Variants in SENP3 observed in about 807,000 individuals in gnomAD.
SENP3 encodes SUMO specific peptidase 3, also known as sentrin-specific protease 3.
A neutral mutation model predicts 66.2 loss-of-function variants in SENP3; 11 were observed. The ratio of observed to expected loss-of-function variants is 0.17; its 90% confidence interval spans 0.10 to 0.28. The LOEUF is 0.28. Ranked by LOEUF, SENP3 falls within the 10% of genes least tolerant of loss-of-function variation. SENP3 has a pLI of 1.00. For synonymous variants in SENP3, 292 were observed against 277.6 expected (o/e 1.05, Z -0.52); for missense variants, 548 against 743.7 (o/e 0.74, Z 3.06).
chr17:7,568,751 A>G (rs1208761453), intron 7 of SENP3, among the ~76,000 whole-genome samples: 2 of 152,142 alleles, frequency 1.3e-5, no homozygotes, highest in Non-Finnish European at 2.9e-5. Flanking sequence ...AAACTGGTAA[A>G]TGTGTTTCCA....
In SENP3 at chr17:7,570,624, A is replaced by G; in HGVS notation, c.1480-57A>G. The G allele has an allele frequency of 5.0e-6, 8 of 1,585,568 alleles. No individual in the cohort carries two copies. The highest frequency in any genetic ancestry group is 6.9e-6 in the Non-Finnish European group (8 of 1,163,776). On this transcript the variant is annotated intron_variant, in intron 8 of 10. Transcript: ENST00000321337. The surrounding 1 kb of genome is among the most constrained non-coding windows in gnomAD (Gnocchi z 5.4). ...GGTGTCTGCCAGCACTGTACCCACC[A>G]TACTGTGTTCAATTGAGAAACTTAG...
chr17:7,570,954 C>T lies in SENP3; in HGVS notation c.1614+21C>T, dbSNP rs551323483. The T allele has an allele frequency of 1.9e-5, 31 of 1,609,326 alleles. No homozygotes were observed. The highest frequency in any genetic ancestry group is 3.4e-5 in the Admixed American group (2 of 59,480). ...TGCAGGTAAGCAGATGATGGGGCCA[C>T]CTCCCCTAGCTCTGAAGTCAGTTGG... On this transcript the variant is annotated intron_variant, in intron 10 of 10. Coordinates refer to ENST00000321337, the MANE Select transcript of SENP3 (RefSeq NM_015670.6). This position sits in a 1 kb window ranked among gnomAD's most constrained non-coding sequence, Gnocchi z 5.4.
rs759581000 is a variant in SENP3, at chr17:7,564,644, G to C, written c.735G>C (p.Leu245=). The change falls in exon 3 of 11, where the codon CTG becomes CTC. Residue 245 remains leucine, a synonymous_variant. Transcript: ENST00000321337. Reference sequence around the variant, plus strand: ...CTATAGGCCTCCTTTCATGTACTCTGCCCAACGGTTTTGGGGGACAATCTG... The same window carrying C: ...CTATAGGCCTCCTTTCATGTACTCTCCCCAACGGTTTTGGGGGACAATCTG... ...DPDSGLLSCT[L]PNGFGGQSGP... is the part of the protein sequence containing the mutation. 12 of 1,613,896 alleles carry C rather than the reference G, an allele frequency of 7.4e-6. No homozygotes were observed. The East Asian group carries it at 2.4e-4, about 33-fold the overall frequency.
rs1437976779 is a variant in SENP3 at position 7,563,369 on chromosome 17, T to A, written c.293T>A (p.Leu98Gln). ...DEEEEVAAWR[L>Q]PPRWSQLGTS... Reference sequence around the variant, plus strand: ...GAGGAGGAAGTGGCAGCTTGGAGGCTGCCCCCAAGATGGAGTCAGCTGGGA... The same window carrying A: ...GAGGAGGAAGTGGCAGCTTGGAGGCAGCCCCCAAGATGGAGTCAGCTGGGA... The change falls in exon 2 of 11, where the codon CTG becomes CAG. Residue 98 changes from leucine (L) to glutamine (Q), a missense_variant. Around this residue, in one of 6 missense-constraint regions of SENP3, gnomAD observed 164 missense variants for 167.9 expected, o/e 0.98. Coordinates refer to ENST00000321337, the MANE Select transcript of SENP3 (RefSeq NM_015670.6). 1 of 1,551,474 alleles carries A rather than the reference T, an allele frequency of 6.4e-7. No individual in the cohort carries two copies. The highest frequency in any genetic ancestry group is 1.4e-5 in the African/African-American group (1 of 73,184).
At position 7,570,146 on chromosome 17, in the gene SENP3, C is replaced by T. The variant is rs774580848; in HGVS notation, c.1342-210C>T. ...TGCCCATCATGGGTTCTCCAGTGTT[C>T]GTTCTGATGTCTCCTCCATTGTCTG... On this transcript the variant is annotated intron_variant, in intron 7 of 10. Transcript: ENST00000321337. This position sits in a 1 kb window ranked among gnomAD's most constrained non-coding sequence, Gnocchi z 5.4. 1.5e-4 allele frequency among the ~76,000 whole-genome samples: 23 copies of T among 152,138 alleles called. No individual in the cohort carries two copies. Among genetic ancestry groups the T allele is most frequent in the African/African-American group, 5.3e-4 (22 of 41,414 alleles).
chr17:7,565,062 C>T lies in SENP3; in HGVS notation c.1059C>T (p.Thr353=), dbSNP rs747188777. 6.8e-6 allele frequency: 11 copies of T among 1,611,016 alleles called. No homozygotes were observed. The South Asian group carries it at 8.8e-5, about 13-fold the overall frequency. ...LEDIFQQEFS[T]PSRKGLVLQL... is the part of the protein sequence containing the mutation. ...ACATTTTCCAGCAGGAGTTTTCCAC[C>T]CCTTCCAGGTGAGGCTTGAAAGCCC... is the stretch of plus-strand genomic sequence containing the variant. The change falls in exon 4 of 11, where the codon ACC becomes ACT. Residue 353 remains threonine, a synonymous_variant. Coordinates refer to ENST00000321337, the MANE Select transcript of SENP3 (RefSeq NM_015670.6).
In SENP3 at chr17:7,562,998, A is replaced by T; in HGVS notation, c.-11-68A>T. The T allele has an allele frequency of 2.9e-6, 4 of 1,360,878 alleles. No individual in the cohort carries two copies. Among genetic ancestry groups the T allele is most frequent in the Non-Finnish European group, 3.8e-6 (4 of 1,056,036 alleles). The allele number at this position is 1,360,878 out of a possible 1,614,324, so 84.3% of individuals were successfully genotyped here. On this transcript the variant is annotated intron_variant, in intron 1 of 10. Transcript: ENST00000321337. This position sits in a 1 kb window ranked among gnomAD's most constrained non-coding sequence, Gnocchi z 5.0. ...ATCTGAATCCAGAGGAGGCATGGCC[A>T]GGAAGAGAGGCAGGATCTGCGGTGG...
rs894283403 is a variant in SENP3, at chr17:7,562,209, C to T, written c.-66C>T. ...GTCGCCGGAGAGATGAGCCGGGAAGCTTGAGGCCGGAGACGCCCGCCTTCG... is the reference window on the plus strand; with the variant it reads ...GTCGCCGGAGAGATGAGCCGGGAAGTTTGAGGCCGGAGACGCCCGCCTTCG... On this transcript the variant is annotated 5_prime_UTR_variant, in exon 1 of 11. Coordinates refer to ENST00000321337, the MANE Select transcript of SENP3 (RefSeq NM_015670.6). The surrounding 1 kb of genome is among the most constrained non-coding windows in gnomAD (Gnocchi z 5.0). The T allele has an allele frequency of 2.5e-6, 1 of 398,538 alleles. No homozygotes were observed. Among genetic ancestry groups the T allele is most frequent in the Non-Finnish European group, 4.4e-6 (1 of 226,074 alleles). 24.7% of individuals were successfully genotyped at this position (398,538 alleles called of 1,614,324 possible).
chr17:7,562,015 C>G lies in SENP3; in HGVS notation c.-260C>G, dbSNP rs1027004909. ...AGGAGTGGCGGCGGCGGCGGTGGCG[C>G]TGGTGGCGGCGGTGGCGGAGGTGGA... On this transcript the variant is annotated 5_prime_UTR_variant, in exon 1 of 11. Transcript: ENST00000321337. This position sits in a 1 kb window ranked among gnomAD's most constrained non-coding sequence, Gnocchi z 5.0. 2.0e-5 allele frequency: 8 copies of G among 399,266 alleles called. No homozygotes were observed. In the East Asian group the frequency reaches 2.9e-4, roughly 14 times the overall value. 24.7% of individuals were successfully genotyped at this position (399,266 alleles called of 1,614,324 possible).
At position 7,570,283 on chromosome 17, in the gene SENP3, C is replaced by A; in HGVS notation, c.1342-73C>A. The A allele has an allele frequency of 6.4e-7, 1 of 1,551,820 alleles. No homozygotes were observed. Among genetic ancestry groups the A allele is most frequent in the South Asian group, 1.2e-5 (1 of 85,152 alleles). On this transcript the variant is annotated intron_variant, in intron 7 of 10. Transcript: ENST00000321337. This position sits in a 1 kb window ranked among gnomAD's most constrained non-coding sequence, Gnocchi z 5.4. Reference sequence around the variant, plus strand: ...TGGTTCCCTTACCTGTGTCTCTGTTCCTCTCTAGAACCTTCATGGCAAAAG... The same window carrying A: ...TGGTTCCCTTACCTGTGTCTCTGTTACTCTCTAGAACCTTCATGGCAAAAG...
chr17:7,566,789 G>A lies in SENP3; in HGVS notation c.1264-138G>A, dbSNP rs2071272758. Reference sequence around the variant, plus strand: ...GTTTGAGACCAACCTGGGCAACATAGTGAGACCCTGTCTCTACCAAAAAAA... The same window carrying A: ...GTTTGAGACCAACCTGGGCAACATAATGAGACCCTGTCTCTACCAAAAAAA... On this transcript the variant is annotated intron_variant, in intron 6 of 10. Coordinates refer to ENST00000321337, the MANE Select transcript of SENP3 (RefSeq NM_015670.6). 4 of 668,424 alleles carry A rather than the reference G, an allele frequency of 6.0e-6. No individual in the cohort carries two copies. The Admixed American group carries it at 9.8e-5, about 16-fold the overall frequency. 41.4% of individuals were successfully genotyped at this position (668,424 alleles called of 1,614,324 possible). A position where few individuals can be genotyped will look rare whatever the true frequency, so the allele number is the denominator to read the frequency against.
At position 7,570,234 on chromosome 17, in the gene SENP3, C is replaced by A; in HGVS notation, c.1342-122C>A. 3 of 1,237,638 alleles carry A rather than the reference C, an allele frequency of 2.4e-6. No homozygotes were observed. Among genetic ancestry groups the A allele is most frequent in the African/African-American group, 1.5e-5 (1 of 66,572 alleles). 76.7% of individuals were successfully genotyped at this position (1,237,638 alleles called of 1,614,324 possible). A position where few individuals can be genotyped will look rare whatever the true frequency, so the allele number is the denominator to read the frequency against. ...ATCCTGAGCTTGCCCACAATCTAGG[C>A]CTTGGGTCTTCTGTTCTTTCACTTG... On this transcript the variant is annotated intron_variant, in intron 7 of 10. Coordinates refer to ENST00000321337, the MANE Select transcript of SENP3 (RefSeq NM_015670.6). The surrounding 1 kb of genome is among the most constrained non-coding windows in gnomAD (Gnocchi z 5.4).
In SENP3 at chr17:7,563,604, G is replaced by T. The variant is rs759021091; in HGVS notation, c.528G>T (p.Thr176=). ...NHLSPQQGGA[T]PQVPSPCCRF... ...TTTCACCCCAGCAAGGGGGTGCGAC[G>T]CCACAGGTGCCATCCCCCTGTTGTC... The change falls in exon 2 of 11, where the codon ACG becomes ACT. Residue 176 remains threonine (T), a synonymous_variant. Coordinates refer to ENST00000321337, the MANE Select transcript of SENP3 (RefSeq NM_015670.6). 6.3e-7 allele frequency: 1 copy of T among 1,583,258 alleles called. No homozygotes were observed. Among genetic ancestry groups the T allele is most frequent in the South Asian group, 1.1e-5 (1 of 87,482 alleles).
chr17:7,571,190 T>C (rs955248734), intron 10 of SENP3, among the ~76,000 whole-genome samples, 183 bp from the exon 11 acceptor site: 1 of 152,194 alleles, frequency 6.6e-6, no homozygotes, highest in East Asian at 1.9e-4. Context: ...ATTTTCTCCA[T>C]CTAAAACATT....
chr17:7,570,500 G>A lies in SENP3; in HGVS notation c.1479+7G>A, dbSNP rs150615265. ...AAACCGCCGCTGCCCTAAGGTTTGA[G>A]GGGGTAGGAGAGAGATGGGCAAAAT... is the stretch of plus-strand genomic sequence containing the variant. On this transcript the variant is annotated splice_region_variant and intron_variant, in intron 8 of 10. Transcript: ENST00000321337. This position sits in a 1 kb window ranked among gnomAD's most constrained non-coding sequence, Gnocchi z 5.4. 1.2e-6 allele frequency: 2 copies of A among 1,609,938 alleles called. No homozygotes were observed. The highest frequency in any genetic ancestry group is 1.3e-5 in the African/African-American group (1 of 74,990).
Position 7,571,837 on chromosome 17 carries a change from T to TTATTTATA in SENP3, c.*357_*358insTTATATAT. On this transcript the variant is annotated 3_prime_UTR_variant, in exon 11 of 11. Coordinates refer to ENST00000321337, the MANE Select transcript of SENP3 (RefSeq NM_015670.6). ...CACTGCCTGCCAGATCTTCAAACTT[T>TTATTTATA]TATATATATATATATATATATATAT... The TTATTTATA allele has an allele frequency of 3.3e-5, 1 of 30,498 alleles. No homozygotes were observed. The highest frequency in any genetic ancestry group is 1.6e-3 in the South Asian group (1 of 622). 1.9% of individuals were successfully genotyped at this position (30,498 alleles called of 1,614,324 possible).
At position 7,571,841 on chromosome 17, in the gene SENP3, A is replaced by T. The variant is rs1133249; in HGVS notation, c.*358A>T. Reference sequence around the variant, plus strand: ...GCCTGCCAGATCTTCAAACTTTTATATATATATATATATATATATATATAT... The same window carrying T: ...GCCTGCCAGATCTTCAAACTTTTATTTATATATATATATATATATATATAT... On this transcript the variant is annotated 3_prime_UTR_variant, in exon 11 of 11. Coordinates refer to ENST00000321337, the MANE Select transcript of SENP3 (RefSeq NM_015670.6). The T allele has an allele frequency of 0.54, 6,699 of 12,474 alleles. 887 individuals are homozygous for T. The highest frequency in any genetic ancestry group is 0.58 in the South Asian group (284 of 490). 0.8% of individuals were successfully genotyped at this position (12,474 alleles called of 1,614,324 possible).
At chr17:7,567,042 G>A (rs760963743) in intron 7 of SENP3, 38 bp downstream of exon 7, 3 of 1,303,242 alleles carry the variant, frequency 2.3e-6, no homozygotes, top group Non-Finnish European at 3.3e-6. Flanking sequence ...GTAATGCCTT[G>A]CCTCTAAAGA....
chr17:7,563,762 C>A lies in SENP3; in HGVS notation c.686C>A (p.Thr229Asn). ...ATGGAGGAAGATGGACTCAGGTGGACTCCAAAGTCTCCTCTGGACCCTGAC... is the reference window on the plus strand; with the variant it reads ...ATGGAGGAAGATGGACTCAGGTGGAATCCAAAGTCTCCTCTGGACCCTGAC... ...PPMEEDGLRW[T>N]PKSPLDPDSG... is the part of the protein sequence containing the mutation. Residue 229 changes from threonine (T) to asparagine (N), a missense_variant, in exon 2 of 11, where the codon ACT becomes AAT. This residue lies in a region of SENP3 where 215 missense variants were observed against 230.7 expected (regional missense o/e 0.93). Transcript: ENST00000321337. 1 of 1,611,908 alleles carries A rather than the reference C, an allele frequency of 6.2e-7. No homozygotes were observed. The highest frequency in any genetic ancestry group is 8.5e-7 in the Non-Finnish European group (1 of 1,179,542).
Sources: allele counts gnomAD v4.1 joint callset (sites outside exome capture counted in the v4.1 genomes callset), GRCh38; gene constraint gnomAD v4.1.1; regional missense constraint gnomAD v4.1.1; non-coding constraint Gnocchi (gnomAD v3.1); transcripts MANE v1.5; gene names NCBI Gene and HGNC (gene_info 2026-07-23, HGNC 2026-07-21).